LAMA2: variants seen among roughly 807,000 people sequenced by gnomAD.
The protein encoded by LAMA2 is laminin subunit alpha-2.
In LAMA2, 269 loss-of-function variants were observed where a neutral mutation model predicts 364.8. The ratio of observed to expected loss-of-function variants is 0.74; its 90% CI spans 0.67 to 0.82. LAMA2 has a LOEUF of 0.82. Ranked by LOEUF, LAMA2 falls within the 40% of genes least tolerant of loss-of-function variation. The probability of loss-of-function intolerance (pLI) is 0.00; values close to 1 mark genes in which losing one functional copy is unlikely to be tolerated. For missense variants in LAMA2, 3,807 were observed against 3,873.2 expected (o/e 0.98, Z 0.45); for synonymous variants, 1,379 against 1,370.6 (o/e 1.01, Z -0.14).
intron 1 of LAMA2, among the ~76,000 whole-genome samples, chr6:128,920,568 T>C (rs1778637974): frequency 6.6e-6 from 1 of 152,126 alleles, no homozygotes; most frequent in East Asian, 1.9e-4. Flanking sequence ...AATCAAACCC[T>C]TTTCCCAATT....
intron 32 of LAMA2, 115 bp from the exon 33 acceptor site, chr6:129,366,104 T>G (rs949672834): frequency 9.0e-7 from 1 of 1,116,274 alleles, no homozygotes; most frequent in Non-Finnish European, 1.4e-6. Context: ...GATGAGTAGT[T>G]TCATCTTCCA....
At chr6:129,134,997 C>T (rs1204392623) in intron 4 of LAMA2, among the ~76,000 whole-genome samples, 1 of 152,206 alleles carries the variant, frequency 6.6e-6, no homozygotes, top group Non-Finnish European at 1.5e-5. Flanking sequence ...TGCCCCTTCT[C>T]AGGGGACCTG....
intron 12 of LAMA2, among the ~76,000 whole-genome samples, chr6:129,242,274 GGTT>G (rs1425834828): frequency 6.6e-6 from 1 of 152,060 alleles, no homozygotes; most frequent in Admixed American, 6.5e-5. Flanking sequence ...GTAAGTGAAA[GGTT>G]AACTACAATT....
rs61138223 is a variant in LAMA2, at chr6:129,421,509, G to A, written c.5866-6243G>A. 2.6e-3 allele frequency among the ~76,000 whole-genome samples: 401 copies of A among 152,198 alleles called. 2 individuals carry two copies. Among genetic ancestry groups the A allele is most frequent in the African/African-American group, 9.0e-3 (372 of 41,518 alleles). On this transcript the variant is annotated intron_variant, in intron 40 of 64. Coordinates refer to ENST00000421865, the MANE Select transcript of LAMA2 (RefSeq NM_000426.4). ...ACTCAGATGTGATGCTTATGAATAT[G>A]TATAAAGTATAATTAGCTTAGAAAA...
intron 34 of LAMA2, among the ~76,000 whole-genome samples, chr6:129,379,071 C>T (rs938028510): frequency 1.3e-5 from 2 of 152,122 alleles, no homozygotes; most frequent in Non-Finnish European, 2.9e-5. Context: ...ATGGATGGAG[C>T]TGGAGGACAT....
chr6:129,385,413 C>A (rs1778959315), intron 35 of LAMA2, among the ~76,000 whole-genome samples: 1 of 151,840 alleles, frequency 6.6e-6, no homozygotes, highest in African/African-American at 2.4e-5. Flanking sequence ...ATCCACACCT[C>A]TTTTTCTCTC....
In LAMA2 at chr6:129,492,420, A is replaced by C. The variant is rs1483437741; in HGVS notation, c.8181A>C (p.Ile2727=). ...AAGATGGAGCAGCTCCAGCTGAAAT[A>C]GTTATCCAGCCTGAGCCAGTTCCCA... ...EDEDGAAPAE[I]VIQPEPVPTP... Residue 2727 remains isoleucine, a synonymous_variant, in exon 58 of 65, where the codon ATA becomes ATC. Transcript: ENST00000421865. 1.2e-6 allele frequency: 2 copies of C among 1,614,156 alleles called. No individual in the cohort carries two copies. The highest frequency in any genetic ancestry group is 2.2e-5 in the East Asian group (1 of 44,868).
chr6:129,145,287 C>A (rs1217827455), intron 5 of LAMA2, among the ~76,000 whole-genome samples: 1 of 152,026 alleles, frequency 6.6e-6, no homozygotes. Flanking sequence ...TCCATCATCA[C>A]AAGATAACTT....
At chr6:129,078,826 C>G (rs1368153190) in intron 3 of LAMA2, among the ~76,000 whole-genome samples, 1 of 152,144 alleles carries the variant, frequency 6.6e-6, no homozygotes, top group African/African-American at 2.4e-5. Flanking sequence ...CTGGCAAACA[C>G]TATTCTACCT....
chr6:129,430,668 CAAG>C (rs1781543533), intron 41 of LAMA2, among the ~76,000 whole-genome samples: 1 of 151,944 alleles, frequency 6.6e-6, no homozygotes, highest in African/African-American at 2.4e-5. Flanking sequence ...TGCAGATAGA[CAAG>C]AAATTTTTTA....
chr6:129,319,794 GTATTCT>G lies in LAMA2; in HGVS notation c.4059-740_4059-735del, dbSNP rs550872928. 1.3e-3 allele frequency among the ~76,000 whole-genome samples: 205 copies of G among 152,208 alleles called. 1 individual carries two copies. The highest frequency in any genetic ancestry group is 4.8e-3 in the African/African-American group (201 of 41,534). ...TATATTTGTGTGGGTATTATATATT[GTATTCT>G]TATAATAAAGTGAGCTAGAGAAAAG... On this transcript the variant is annotated intron_variant, in intron 27 of 64. Transcript: ENST00000421865.
At chr6:129,256,158 C>A (rs577338747) in intron 14 of LAMA2, among the ~76,000 whole-genome samples, 1 of 152,108 alleles carries the variant, frequency 6.6e-6, no homozygotes, top group Non-Finnish European at 1.5e-5. Context: ...TGTTGGGAGG[C>A]AATGCAGGGT....
chr6:128,940,010 G>T (rs1014928817), intron 1 of LAMA2, among the ~76,000 whole-genome samples: 1 of 152,056 alleles, frequency 6.6e-6, no homozygotes, highest in African/African-American at 2.4e-5. Flanking sequence ...GTCTACCATG[G>T]TTCCTTTACA....
chr6:129,293,248 A>G (rs929100394), intron 20 of LAMA2, among the ~76,000 whole-genome samples: 1 of 152,266 alleles, frequency 6.6e-6, no homozygotes, highest in Non-Finnish European at 1.5e-5. Context: ...CGTATGCTTT[A>G]AAAAGCATAT....
At chr6:128,903,998 A>T (rs1777254385) in intron 1 of LAMA2, among the ~76,000 whole-genome samples, 1 of 152,216 alleles carries the variant, frequency 6.6e-6, no homozygotes, top group African/African-American at 2.4e-5. Flanking sequence ...GCCAGACCTA[A>T]AGAGGCAACT....
intron 40 of LAMA2, among the ~76,000 whole-genome samples, chr6:129,405,785 T>C (rs946562508): frequency 2.0e-5 from 3 of 152,146 alleles, no homozygotes; most frequent in Non-Finnish European, 2.9e-5. Context: ...TGAGTAATTA[T>C]CTAGATAGGA....
chr6:128,972,331 C>G (rs532475456), intron 1 of LAMA2, among the ~76,000 whole-genome samples: 1 of 152,118 alleles, frequency 6.6e-6, no homozygotes, highest in Non-Finnish European at 1.5e-5. Flanking sequence ...TGACCTTGTT[C>G]TTTGCTGTAT....
chr6:129,182,899 T>C (rs1298312428), intron 10 of LAMA2, among the ~76,000 whole-genome samples: 1 of 151,842 alleles, frequency 6.6e-6, no homozygotes, highest in Admixed American at 6.6e-5. Context: ...TTTGAATGTC[T>C]TAATATAATT....
chr6:129,320,260 A>C (rs568724178), intron 27 of LAMA2, among the ~76,000 whole-genome samples: 1 of 152,166 alleles, frequency 6.6e-6, no homozygotes, highest in African/African-American at 2.4e-5. Flanking sequence ...TGAGCAGACT[A>C]AAGAGGAGGA....
Sources: allele counts gnomAD v4.1 joint callset (sites outside exome capture counted in the v4.1 genomes callset), GRCh38; gene constraint gnomAD v4.1.1; transcripts MANE v1.5; gene names NCBI Gene and HGNC (gene_info 2026-07-23, HGNC 2026-07-21).